PPP2CB: variants seen among roughly 807,000 people sequenced by gnomAD.
PPP2CB encodes protein phosphatase 2 catalytic subunit beta.
Under a neutral mutation model 39.1 loss-of-function variants are expected in PPP2CB, and 18 were observed. The ratio of observed to expected loss-of-function variants is 0.46; its 90% CI spans 0.32 to 0.68. The LOEUF (loss-of-function observed/expected upper bound fraction) is 0.68. PPP2CB is among the 30% of genes least tolerant of loss of function. The pLI is 0.04. For missense variants in PPP2CB, 226 were observed against 396.9 expected (o/e 0.57, Z 3.66); for synonymous variants, 129 against 133.8 (o/e 0.96, Z 0.25).
chr8:30,810,907 T>C (rs1313810539), intron 1 of PPP2CB, among the ~76,000 whole-genome samples: 1 of 152,232 alleles, frequency 6.6e-6, no homozygotes, highest in Admixed American at 6.5e-5. Flanking sequence ...ACTAACAAAA[T>C]CTTTCCTTCT....
chr8:30,791,015 C>CAA (rs1806419564), intron 6 of PPP2CB, 182 bp downstream of exon 6: 1 of 517,574 alleles, frequency 1.9e-6, no homozygotes, highest in Non-Finnish European at 3.4e-6. Context: ...GCCCTTAGGA[C>CAA]AATTTCCAAA....
Position 30,793,908 on chromosome 8 carries a change from A to C in PPP2CB, c.738+9T>G. On this transcript the variant is annotated intron_variant, in intron 5 of 6. Transcript: ENST00000221138. ...GAAATAAAGATCATTCTGTCAGGAA[A>C]GTACATACCTCCATTACAAGCTGGT... 1 of 1,604,502 alleles carries C rather than the reference A, an allele frequency of 6.2e-7. No individual in the cohort carries two copies. Among genetic ancestry groups the C allele is most frequent in the South Asian group, 1.1e-5 (1 of 89,834 alleles).
chr8:30,807,527 G>A (rs1806743955), intron 1 of PPP2CB, among the ~76,000 whole-genome samples: 1 of 152,158 alleles, frequency 6.6e-6, no homozygotes, highest in Non-Finnish European at 1.5e-5. Flanking sequence ...TTCTACACAA[G>A]CCTCGACATT....
At chr8:30,805,201 T>C (rs1388587048) in intron 1 of PPP2CB, among the ~76,000 whole-genome samples, 1 of 152,228 alleles carries the variant, frequency 6.6e-6, no homozygotes, top group African/African-American at 2.4e-5. Context: ...GCTCTCATCA[T>C]CCAGGACATA....
chr8:30,805,147 T>G (rs1414097424), intron 1 of PPP2CB, among the ~76,000 whole-genome samples: 2 of 152,294 alleles, frequency 1.3e-5, no homozygotes, highest in Admixed American at 6.5e-5. Context: ...AAGCGCCTCT[T>G]TTGCTACTCA....
chr8:30,808,534 AT>A lies in PPP2CB; in HGVS notation c.102+3785del, dbSNP rs1454410118. Among the ~76,000 whole-genome samples the A allele has an allele frequency of 2.0e-5, 3 of 152,234 alleles. No homozygotes were observed. In the East Asian group the frequency reaches 5.8e-4, roughly 29 times the overall value. Reference sequence around the variant, plus strand: ...TATTTTTAAAAAACCCAAAAATTGAATCACAAGGATTAAAGATAGTTTATAT... The same window carrying A: ...TATTTTTAAAAAACCCAAAAATTGAACACAAGGATTAAAGATAGTTTATAT... On this transcript the variant is annotated intron_variant, in intron 1 of 6. Transcript: ENST00000221138.
chr8:30,797,844 G>A (rs575303720), intron 2 of PPP2CB, 90 bp from the exon 3 acceptor site: 10 of 1,282,768 alleles, frequency 7.8e-6, no homozygotes, highest in South Asian at 5.7e-5. Context: ...TTTTAAACAC[G>A]GCGCTTTTGG....
chr8:30,812,271 G>T (rs1196247574), intron 1 of PPP2CB, 49 bp downstream of exon 1: 2 of 1,364,106 alleles, frequency 1.5e-6, no homozygotes, highest in Non-Finnish European at 1.9e-6. Context: ...GGAAAGCGGC[G>T]GCCCGTCCCA....
At chr8:30,809,047 A>C (rs1184633396) in intron 1 of PPP2CB, among the ~76,000 whole-genome samples, 1 of 148,688 alleles carries the variant, frequency 6.7e-6, no homozygotes, top group African/African-American at 2.5e-5. Context: ...CCTCCCAAGT[A>C]GCTGGGAGTG....
At chr8:30,796,307 G>T (rs893617758) in intron 3 of PPP2CB, among the ~76,000 whole-genome samples, 1 of 152,126 alleles carries the variant, frequency 6.6e-6, no homozygotes, top group Non-Finnish European at 1.5e-5. Flanking sequence ...GTCTAAGAGA[G>T]AATTTATTAC....
chr8:30,804,969 G>A (rs999907907), intron 1 of PPP2CB, among the ~76,000 whole-genome samples: 7 of 151,980 alleles, frequency 4.6e-5, no homozygotes, highest in African/African-American at 1.2e-4. Flanking sequence ...AAGAATCAAT[G>A]CCTGGTGTTC....
chr8:30,808,848 T>TA (rs1806769621), intron 1 of PPP2CB, among the ~76,000 whole-genome samples: 1 of 152,130 alleles, frequency 6.6e-6, no homozygotes, highest in Non-Finnish European at 1.5e-5. Flanking sequence ...GGGTGACACT[T>TA]ATGATTAAAA....
chr8:30,806,574 GTAACTT>G (rs1343522069), intron 1 of PPP2CB, among the ~76,000 whole-genome samples: 1 of 152,150 alleles, frequency 6.6e-6, no homozygotes, highest in Non-Finnish European at 1.5e-5. Context: ...GATTACTTCT[GTAACTT>G]TAATATCATT....
chr8:30,800,930 G>A (rs958704909), intron 1 of PPP2CB, among the ~76,000 whole-genome samples: 15 of 152,204 alleles, frequency 9.9e-5, no homozygotes, highest in African/African-American at 2.4e-4. Flanking sequence ...AGGGCAGCCT[G>A]GCGCGGTGGC....
intron 3 of PPP2CB, chr8:30,794,506 C>T: frequency 4.4e-6 from 2 of 451,880 alleles, no homozygotes. Flanking sequence ...CCCTCCCTTC[C>T]TTTTCTCTGG....
intron 5 of PPP2CB, among the ~76,000 whole-genome samples, chr8:30,792,765 T>C (rs570884747): frequency 1.3e-5 from 2 of 152,302 alleles, no homozygotes; most frequent in South Asian, 4.1e-4. Context: ...CAATCATTTA[T>C]GTTTTAGGTA....
chr8:30,792,935 T>C (rs1402805169), intron 5 of PPP2CB, among the ~76,000 whole-genome samples: 1 of 152,218 alleles, frequency 6.6e-6, no homozygotes, highest in African/African-American at 2.4e-5. Flanking sequence ...TCTACTGGGC[T>C]GGCGAAGTTT....
At chr8:30,795,052 A>G (rs1422257485) in intron 3 of PPP2CB, among the ~76,000 whole-genome samples, 1 of 151,648 alleles carries the variant, frequency 6.6e-6, no homozygotes, top group Non-Finnish European at 1.5e-5. Context: ...TTTCAAGTCC[A>G]TGCTCTAGGT....
intron 1 of PPP2CB, among the ~76,000 whole-genome samples, chr8:30,802,708 T>C (rs923753548): frequency 5.3e-5 from 8 of 152,174 alleles, no homozygotes; most frequent in Non-Finnish European, 1.0e-4. Context: ...ACCTGGCTTC[T>C]TAAACTTCAA....
Sources: allele counts gnomAD v4.1 joint callset (sites outside exome capture counted in the v4.1 genomes callset), GRCh38; gene constraint gnomAD v4.1.1; transcripts MANE v1.5; gene names NCBI Gene and HGNC (gene_info 2026-07-23, HGNC 2026-07-21).